The following ADGRA2 variants were observed in gnomAD, a reference collection of about 807,000 sequenced individuals.
The protein encoded by ADGRA2 is G-protein coupled receptor 124.
A neutral mutation model predicts 98.7 loss-of-function variants in ADGRA2; 61 were observed. The observed-to-expected ratio is 0.62, with a 90% CI of 0.50 to 0.76. ADGRA2 has a LOEUF of 0.76. Among genes scored for constraint, ADGRA2 ranks in the 30% least tolerant of loss-of-function variants. ADGRA2 has a pLI of 0.00. For missense variants in ADGRA2, 1,712 were observed against 1,860.0 expected (o/e 0.92, Z 1.46); for synonymous variants, 858 against 831.5 (o/e 1.03, Z -0.55).
chr8:37,833,322 G>C (rs1156752813), intron 9 of ADGRA2, 114 bp downstream of exon 9: 2 of 835,850 alleles, frequency 2.4e-6, no homozygotes, highest in Non-Finnish European at 3.7e-6. Flanking sequence ...TGTGCCTCCT[G>C]TTCCTGCCTG....
At chr8:37,804,097 T>TGA (rs201030392) in intron 1 of ADGRA2, among the ~76,000 whole-genome samples, 14,451 of 73,202 alleles carry the variant, frequency 0.2, 1,333 homozygotes, top group East Asian at 0.45. Context: ...CTGCCCACGG[T>TGA]GAGACACACA....
rs374479525 is a variant in ADGRA2, at chr8:37,809,298, TA to T, written c.267-5583del. 8.7e-3 allele frequency among the ~76,000 whole-genome samples: 1,194 copies of T among 137,900 alleles called. 10 individuals carry two copies. Among genetic ancestry groups the T allele is most frequent in the African/African-American group, 0.023 (848 of 37,322 alleles). 90.5% of individuals were successfully genotyped at this position (137,900 alleles called of 152,430 possible). On this transcript the variant is annotated intron_variant, in intron 1 of 18. Transcript: ENST00000412232. ...GCAATAGAGCGAAACTTGTCTCTCT[TA>T]AAAAAAAAAAAAAAGACCAGACCCC...
At chr8:37,824,489 A>AT (rs34639785) in intron 2 of ADGRA2, among the ~76,000 whole-genome samples, 17,823 of 114,682 alleles carry the variant, frequency 0.16, 1,926 homozygotes, top group Middle Eastern at 0.21. Context: ...CTAAGGTGCA[A>AT]TTTTTTTTTT....
At position 37,833,769 on chromosome 8, in the gene ADGRA2, A is replaced by G; in HGVS notation, c.1378A>G (p.Met460Val). 2 of 1,614,174 alleles carry G rather than the reference A, an allele frequency of 1.2e-6. No individual in the cohort carries two copies. The highest frequency in any genetic ancestry group is 1.6e-4 in the Middle Eastern group (1 of 6,062). Residue 460 changes from methionine to valine, a missense_variant, in exon 10 of 19, where the codon ATG (methionine) becomes GTG (valine). Met to Val is a conservative substitution (Grantham distance 21, BLOSUM62 1). Coordinates refer to ENST00000412232, the MANE Select transcript of ADGRA2 (RefSeq NM_032777.10). ...AGCCGAGGCCGCTAGCTTTTCAGAC[A>G]TGATGGATGTAGTCTATGTGGCTCA... is the stretch of plus-strand genomic sequence containing the variant. ...YTAEAASFSDMMDVVYVAQMI... is the reference protein window; with the variant it reads ...YTAEAASFSDVMDVVYVAQMI...
Position 37,841,770 on chromosome 8 carries a change from T to C in ADGRA2, c.3432T>C (p.Ser1144=). The C allele has an allele frequency of 6.5e-7, 1 of 1,538,282 alleles. No individual in the cohort carries two copies. Among genetic ancestry groups the C allele is most frequent in the South Asian group, 1.2e-5 (1 of 83,682 alleles). Residue 1144 remains serine (S), a synonymous_variant, in exon 19 of 19, where the codon AGT becomes AGC. Coordinates refer to ENST00000412232, the MANE Select transcript of ADGRA2 (RefSeq NM_032777.10). This position sits in a 1 kb window ranked among gnomAD's most constrained non-coding sequence, Gnocchi z 5.0. ...TCACCAACCTGCAGCTGGCCCAGAG[T>C]CAGGTGTGCGAGGCGGGGGCGGCGG... ...CKLTNLQLAQ[S]QVCEAGAAAG...
chr8:37,825,212 G>A (rs780926387), intron 2 of ADGRA2, among the ~76,000 whole-genome samples: 3 of 152,090 alleles, frequency 2.0e-5, no homozygotes, highest in Non-Finnish European at 2.9e-5. Context: ...CCTGAGAAAC[G>A]GAGGGATCAG....
chr8:37,839,993 G>T, intron 16 of ADGRA2, 128 bp from the exon 17 acceptor site: 1 of 820,024 alleles, frequency 1.2e-6, no homozygotes, highest in Non-Finnish European at 1.9e-6. Flanking sequence ...TATGGGGAGT[G>T]GGCTGGGTAA....
rs1554522456 is a variant in ADGRA2 at position 37,804,126 on chromosome 8, C to CACACACACAT, written c.266+6601_266+6602insTACACACACA. Among the ~76,000 whole-genome samples, 8 of 150,126 alleles carry CACACACACAT rather than the reference C, an allele frequency of 5.3e-5. No individual in the cohort carries two copies. The South Asian group carries it at 1.3e-3, about 24-fold the overall frequency. On this transcript the variant is annotated intron_variant, in intron 1 of 18. Transcript: ENST00000412232. ...ACACACACACACACACACACACACA[C>CACACACACAT]ACACACACACACACACACACACACA...
intron 2 of ADGRA2, among the ~76,000 whole-genome samples, chr8:37,828,481 CTTTTTTTTTTT>C (rs35779657): frequency 3.6e-5 from 3 of 82,988 alleles, no homozygotes; most frequent in Non-Finnish European, 6.6e-5. Flanking sequence ...GGGGGTGGTT[CTTTTTTTTTTT>C]TTTTTTTTTT....
intron 2 of ADGRA2, among the ~76,000 whole-genome samples, chr8:37,822,523 A>G (rs1805157255): frequency 6.6e-6 from 1 of 151,908 alleles, no homozygotes; most frequent in African/African-American, 2.4e-5. Context: ...TTTCTAGTAT[A>G]TTTTACAGAA....
intron 2 of ADGRA2, among the ~76,000 whole-genome samples, chr8:37,822,384 T>TACACAC (rs147834043): frequency 3.4e-5 from 5 of 147,124 alleles, no homozygotes; most frequent in South Asian, 4.3e-4. Flanking sequence ...TGTATGTGGG[T>TACACAC]ACACACACAC....
chr8:37,839,921 A>G (rs1267599112), intron 16 of ADGRA2, among the ~76,000 whole-genome samples, 200 bp from the exon 17 acceptor site: 1 of 152,144 alleles, frequency 6.6e-6, no homozygotes, highest in African/African-American at 2.4e-5. Context: ...GAAGCCCTGC[A>G]ATGGGAGAGA....
chr8:37,831,163 T>C (rs1339870753), intron 7 of ADGRA2, among the ~76,000 whole-genome samples: 1 of 152,192 alleles, frequency 6.6e-6, no homozygotes, highest in African/African-American at 2.4e-5. Context: ...ATAGAGTGGC[T>C]CCTATCTATG....
intron 1 of ADGRA2, among the ~76,000 whole-genome samples, chr8:37,801,461 G>A (rs1804502077): frequency 6.6e-6 from 1 of 152,180 alleles, no homozygotes; most frequent in African/African-American, 2.4e-5. Context: ...ACCACTGTGA[G>A]CCCCAGTATT....
intron 1 of ADGRA2, among the ~76,000 whole-genome samples, chr8:37,799,813 C>T (rs1216500205): frequency 6.6e-6 from 1 of 152,180 alleles, no homozygotes; most frequent in Admixed American, 6.5e-5. Context: ...CAGGGACACC[C>T]TGGAGAGCCC....
chr8:37,823,464 G>A (rs1029784305), intron 2 of ADGRA2, among the ~76,000 whole-genome samples: 5 of 152,102 alleles, frequency 3.3e-5, no homozygotes, highest in African/African-American at 1.2e-4. Context: ...GCCTCCCAAA[G>A]TGTTGGGATT....
In ADGRA2 at chr8:37,844,365, C is replaced by A. The variant is rs1176557695; in HGVS notation, c.*2010C>A. On this transcript the variant is annotated 3_prime_UTR_variant, in exon 19 of 19. Transcript: ENST00000412232. Reference sequence around the variant, plus strand: ...ACCCAGGGTCCAACTAATGGCAGAGCCCCTCTTGGTTCCTTCAAACAAGAA... The same window carrying A: ...ACCCAGGGTCCAACTAATGGCAGAGACCCTCTTGGTTCCTTCAAACAAGAA... 6 of 1,287,310 alleles carry A rather than the reference C, an allele frequency of 4.7e-6. No individual in the cohort carries two copies. Among genetic ancestry groups the A allele is most frequent in the Non-Finnish European group, 6.5e-6 (6 of 925,062 alleles). 79.7% of individuals were successfully genotyped at this position (1,287,310 alleles called of 1,614,324 possible).
chr8:37,844,496 A>G lies in ADGRA2; in HGVS notation c.*2141A>G. ...TGCTCCCAGTGGATATCCATCAGGGAGGGTTAGGGACACTCGTGGCAGCCT... is the reference window on the plus strand; with the variant it reads ...TGCTCCCAGTGGATATCCATCAGGGGGGGTTAGGGACACTCGTGGCAGCCT... On this transcript the variant is annotated 3_prime_UTR_variant, in exon 19 of 19. Coordinates refer to ENST00000412232, the MANE Select transcript of ADGRA2 (RefSeq NM_032777.10). The G allele has an allele frequency of 6.2e-7, 1 of 1,612,300 alleles. No individual in the cohort carries two copies. The highest frequency in any genetic ancestry group is 8.5e-7 in the Non-Finnish European group (1 of 1,179,454).
In ADGRA2 at chr8:37,840,809, G is replaced by A; in HGVS notation, c.2707G>A (p.Ala903Thr). ...TCCACTCATTATCTGTGGCATCACA[G>A]CTGCAGTCAACATCCACAACTACCG... is the stretch of plus-strand genomic sequence containing the variant. The part of the protein sequence containing the change: ...GIPLIICGIT[A>T]AVNIHNYRDH... The change falls in exon 18 of 19, where the codon GCT becomes ACT. Residue 903 changes from alanine (A) to threonine (T), a missense_variant. Coordinates refer to ENST00000412232, the MANE Select transcript of ADGRA2 (RefSeq NM_032777.10). 1 of 1,610,466 alleles carries A rather than the reference G, an allele frequency of 6.2e-7. No homozygotes were observed. The highest frequency in any genetic ancestry group is 8.5e-7 in the Non-Finnish European group (1 of 1,177,366).
Sources: gnomAD v4.1 joint callset for allele counts (sites outside exome capture counted in the v4.1 genomes callset) on GRCh38, gnomAD v4.1.1 for gene constraint, Gnocchi (gnomAD v3.1) non-coding constraint, MANE v1.5 for transcripts, NCBI Gene and HGNC (gene_info 2026-07-23, HGNC 2026-07-21) for gene names.